Variants in TET1 observed in about 807,000 individuals in gnomAD.
TET1 encodes the protein methylcytosine dioxygenase TET1.
A neutral mutation model predicts 148.7 loss-of-function variants in TET1; 13 were observed. That is an observed-to-expected ratio of 0.09 (90% confidence interval 0.06 to 0.14). TET1 has a LOEUF of 0.14. TET1 is among the 10% of genes least tolerant of loss of function. The pLI is 1.00. For synonymous variants in TET1, 907 were observed against 937.2 expected, an observed-to-expected ratio of 0.97 and a Z score of 0.59; for missense variants, 2,182 against 2,553.8, an observed-to-expected ratio of 0.85 and a Z score of 3.14.
At chr10:68,624,491 G>A (rs923950387) in intron 3 of TET1, among the ~76,000 whole-genome samples, 29 of 151,706 alleles carry the variant, frequency 1.9e-4, no homozygotes, top group African/African-American at 5.1e-4. Flanking sequence ...GTTTCTCCAT[G>A]TTGGTCAGGC....
Position 68,624,677 on chromosome 10 carries a change from TCTCTCTCTCTCTCTCTC to T in TET1, c.1969-20020_1969-20004del, listed in dbSNP as rs1564975175. Among the ~76,000 whole-genome samples, 31 of 112,872 alleles carry T rather than the reference TCTCTCTCTCTCTCTCTC, an allele frequency of 2.7e-4. 1 individual carries two copies. Among genetic ancestry groups the T allele is most frequent in the Middle Eastern group, 4.3e-3 (1 of 232 alleles). The allele number at this position is 112,872 out of a possible 152,430, so 74.0% of individuals were successfully genotyped here. On this transcript the variant is annotated intron_variant, in intron 3 of 11. Coordinates refer to ENST00000373644, the MANE Select transcript of TET1 (RefSeq NM_030625.3). ...CTTTCTTTCTCTCTCTCTCTCTCTCTCTCTCTCTCTCTCTCTCTCTTTCTTTCTTTTCCTTCCTTCTT... is the reference window on the plus strand; with the variant it reads ...CTTTCTTTCTCTCTCTCTCTCTCTCTTCTTTCTTTCTTTTCCTTCCTTCTT...
chr10:68,624,852 C>T (rs941068840), intron 3 of TET1, among the ~76,000 whole-genome samples: 4 of 151,632 alleles, frequency 2.6e-5, no homozygotes, highest in African/African-American at 7.3e-5. Context: ...CTGACTCAGC[C>T]TCCCGAGTAG....
intron 6 of TET1, among the ~76,000 whole-genome samples, chr10:68,666,298 T>C (rs1307331275): frequency 6.6e-6 from 1 of 152,200 alleles, no homozygotes; most frequent in Non-Finnish European, 1.5e-5. Context: ...ATGAATAAAA[T>C]GCATATAATG....
intron 8 of TET1, chr10:68,675,056 TA>T: frequency 1.8e-6 from 1 of 542,148 alleles, no homozygotes; most frequent in Non-Finnish European, 3.0e-6. Flanking sequence ...AAACAGGTGC[TA>T]AAGTAGAACG....
intron 7 of TET1, 103 bp from the exon 8 acceptor site, chr10:68,672,792 T>C (rs1589127816): frequency 1.1e-6 from 1 of 878,238 alleles, no homozygotes; most frequent in East Asian, 2.5e-5. Flanking sequence ...TTATAACCGG[T>C]TCTTTAGGCA....
intron 3 of TET1, among the ~76,000 whole-genome samples, chr10:68,641,798 G>A (rs2133070888): frequency 6.6e-6 from 1 of 152,170 alleles, no homozygotes; most frequent in East Asian, 1.9e-4. Flanking sequence ...ACCGCACCTG[G>A]CCTATTTATT....
intron 1 of TET1, among the ~76,000 whole-genome samples, chr10:68,568,464 C>T (rs1314331660): frequency 1.3e-5 from 2 of 152,092 alleles, no homozygotes; most frequent in Non-Finnish European, 2.9e-5. Flanking sequence ...CTCAGGTGAT[C>T]TGTCCACCTC....
At chr10:68,624,936 G>C (rs969031495) in intron 3 of TET1, among the ~76,000 whole-genome samples, 1 of 151,062 alleles carries the variant, frequency 6.6e-6, no homozygotes, top group Admixed American at 6.6e-5. Flanking sequence ...GGGTTTCACC[G>C]TGTTAGCCAG....
intron 3 of TET1, among the ~76,000 whole-genome samples, chr10:68,639,528 GT>G (rs1380446931): frequency 2.6e-5 from 4 of 151,866 alleles, no homozygotes; most frequent in African/African-American, 9.7e-5. Context: ...CAGTGCAGTG[GT>G]TCACACTGGG....
At chr10:68,656,986 A>C (rs1307104313) in intron 6 of TET1, among the ~76,000 whole-genome samples, 2 of 150,260 alleles carry the variant, frequency 1.3e-5, no homozygotes, top group Non-Finnish European at 1.5e-5. Flanking sequence ...AGATGGTGCC[A>C]CGGCACTCCA....
At chr10:68,608,915 T>C (rs1474960145) in intron 3 of TET1, among the ~76,000 whole-genome samples, 2 of 152,086 alleles carry the variant, frequency 1.3e-5, no homozygotes, top group Non-Finnish European at 2.9e-5. Context: ...GGTCTCAACC[T>C]CCTGGATTCA....
chr10:68,653,292 T>C (rs554012249), intron 6 of TET1, among the ~76,000 whole-genome samples: 1 of 152,342 alleles, frequency 6.6e-6, no homozygotes, highest in South Asian at 2.1e-4. Context: ...CTCTTCATTA[T>C]TGATGTGTAT....
intron 1 of TET1, among the ~76,000 whole-genome samples, chr10:68,569,166 C>CTTTTTTTTTTTTTTTTTTT (rs34385747): frequency 1.1e-4 from 8 of 69,778 alleles, no homozygotes; most frequent in Admixed American, 1.9e-4. Context: ...AGGAGAGTTT[C>CTTTTTTTTTTTTTTTTTTT]TTTTTTTTTT....
At position 68,572,701 on chromosome 10, in the gene TET1, C is replaced by T. The variant is rs200425295; in HGVS notation, c.363C>T (p.Val121=). 88 of 1,613,924 alleles carry T rather than the reference C, an allele frequency of 5.5e-5. No individual in the cohort carries two copies. Among genetic ancestry groups the T allele is most frequent in the Non-Finnish European group, 1.3e-5 (15 of 1,180,024 alleles). Reference sequence around the variant, plus strand: ...GGCGACTCTCCCAACCCCCACTGGTCGTAGCCAAATCCAAAAAGGTTCCAC... The same window carrying T: ...GGCGACTCTCCCAACCCCCACTGGTTGTAGCCAAATCCAAAAAGGTTCCAC... ...LSRRLSQPPL[V]VAKSKKVPLS... is the part of the protein sequence containing the mutation. Residue 121 remains valine (V), a synonymous_variant, in exon 2 of 12, where the codon GTC becomes GTT. Transcript: ENST00000373644.
At chr10:68,672,487 C>CAAAAAAAAAAAAA (rs71483920) in intron 7 of TET1, among the ~76,000 whole-genome samples, 15 of 49,716 alleles carry the variant, frequency 3.0e-4, no homozygotes, top group Non-Finnish European at 4.5e-4. Context: ...GACCCCATCT[C>CAAAAAAAAAAAAA]AAAAAAAAAA....
intron 6 of TET1, among the ~76,000 whole-genome samples, chr10:68,664,365 T>A (rs2055165197): frequency 6.6e-6 from 1 of 151,956 alleles, no homozygotes; most frequent in Non-Finnish European, 1.5e-5. Flanking sequence ...CAAATATATG[T>A]CATGTAAATA....
At chr10:68,578,156 C>T (rs1288440612) in intron 2 of TET1, among the ~76,000 whole-genome samples, 3 of 151,988 alleles carry the variant, frequency 2.0e-5, no homozygotes, top group Admixed American at 6.6e-5. Flanking sequence ...GTATGCTGGG[C>T]GCGGTGGCTG....
chr10:68,624,095 CTTTCTTTT>C (rs1370914150), intron 3 of TET1, among the ~76,000 whole-genome samples: 1 of 146,764 alleles, frequency 6.8e-6, no homozygotes, highest in Non-Finnish European at 1.5e-5. Flanking sequence ...TTCTTTCTTT[CTTTCTTTT>C]CTTTTTTTTT....
intron 3 of TET1, among the ~76,000 whole-genome samples, chr10:68,625,384 T>C (rs982665157): frequency 1.3e-5 from 2 of 152,186 alleles, no homozygotes; most frequent in African/African-American, 4.8e-5. Flanking sequence ...CAAGGCTTCA[T>C]CACACAGGAG....
Sources: gnomAD v4.1 joint callset for allele counts (sites outside exome capture counted in the v4.1 genomes callset) on GRCh38, gnomAD v4.1.1 for gene constraint, MANE v1.5 for transcripts, NCBI Gene and HGNC (gene_info 2026-07-23, HGNC 2026-07-21) for gene names.